The following GSE1 variants were observed in gnomAD, a reference collection of about 807,000 sequenced individuals.
GSE1 encodes the protein Gse1 coiled-coil protein.
In GSE1, 32 loss-of-function variants were observed where a neutral mutation model predicts 112.6. That is an observed-to-expected ratio of 0.28 (90% CI 0.21 to 0.38). The LOEUF (loss-of-function observed/expected upper bound fraction) is 0.38, where lower values mean the gene tolerates loss of function less well. GSE1 is among the 10% of genes least tolerant of loss of function. The probability of loss-of-function intolerance (pLI) is 1.00; values close to 1 mark genes in which losing one functional copy is unlikely to be tolerated. For synonymous variants in GSE1, 1,115 were observed against 735.6 expected (o/e 1.52, Z -8.35); for missense variants, 2,348 against 1,699.2 (o/e 1.38, Z -6.71).
intron 2 of GSE1, among the ~76,000 whole-genome samples, chr16:85,473,886 G>C (rs770443964): frequency 2.0e-5 from 3 of 151,660 alleles, no homozygotes; most frequent in Non-Finnish European, 4.4e-5. Flanking sequence ...CACTCTCCCA[G>C]GCACTAGCAT....
At chr16:85,331,840 G>A (rs1217205287) in intron 1 of GSE1, among the ~76,000 whole-genome samples, 6 of 151,242 alleles carry the variant, frequency 4.0e-5, no homozygotes, top group African/African-American at 9.7e-5. Flanking sequence ...GAGTCACCGC[G>A]CCCAGCTACT....
At position 85,189,164 on chromosome 16, in the gene GSE1, T is replaced by G. The variant is rs539443386; in HGVS notation, c.2283+17357T>G. ...GCCTATTTTCCTGCTCCGGGGAGCCTTCTTTGCTGGCTCCTGCCAGCTGAA... is the reference window on the plus strand; with the variant it reads ...GCCTATTTTCCTGCTCCGGGGAGCCGTCTTTGCTGGCTCCTGCCAGCTGAA... On this transcript the variant is annotated intron_variant, in intron 1 of 2. Coordinates refer to the GSE1 transcript ENST00000637419. Among the ~76,000 whole-genome samples the G allele has an allele frequency of 3.3e-5, 5 of 152,348 alleles. No homozygotes were observed. The East Asian group carries it at 7.7e-4, about 23-fold the overall frequency.
intron 1 of GSE1, among the ~76,000 whole-genome samples, chr16:85,174,008 G>C (rs1193138188): frequency 2.0e-5 from 3 of 152,174 alleles, no homozygotes; most frequent in African/African-American, 7.2e-5. Context: ...AAAGCCAGTG[G>C]GTATCTGAGG....
At chr16:85,560,130 T>TC (rs1336613935) in intron 1 of GSE1, among the ~76,000 whole-genome samples, 42 of 133,650 alleles carry the variant, frequency 3.1e-4, no homozygotes, top group South Asian at 7.3e-4. Flanking sequence ...TTCTTCTTCT[T>TC]TTTTTTTTTT....
At chr16:85,203,869 C>G in intron 1 of GSE1, among the ~76,000 whole-genome samples, 1 of 152,328 alleles carries the variant, frequency 6.6e-6, no homozygotes, top group Middle Eastern at 3.4e-3. Flanking sequence ...TCCTGAGTAG[C>G]TGGGACTACA....
intron 5 of GSE1, among the ~76,000 whole-genome samples, chr16:85,655,271 G>A (rs914444882): frequency 6.6e-6 from 1 of 152,208 alleles, no homozygotes; most frequent in Non-Finnish European, 1.5e-5. Flanking sequence ...ACTGTTAAGA[G>A]AGCAGGGCTT....
At chr16:85,180,086 C>T (rs1246678020) in intron 1 of GSE1, among the ~76,000 whole-genome samples, 1 of 152,244 alleles carries the variant, frequency 6.6e-6, no homozygotes, top group Non-Finnish European at 1.5e-5. Flanking sequence ...CCATGGCTCT[C>T]AGGTTCCCTG....
upstream of GSE1, among the ~76,000 whole-genome samples, chr16:85,553,248 A>C: frequency 7.0e-6 from 1 of 143,080 alleles, no homozygotes; most frequent in Non-Finnish European, 1.5e-5. Flanking sequence ...GGGTGGGGGC[A>C]GGGAGGGCAG....
intron 7 of GSE1, 99 bp from the exon 8 acceptor site, chr16:85,657,178 G>C (rs920035629): frequency 1.2e-6 from 1 of 815,874 alleles, no homozygotes; most frequent in Non-Finnish European, 1.9e-6. Context: ...CCCTTTGGAA[G>C]GGCTCTGGTT....
At chr16:85,365,206 C>T (rs2047161876) in intron 2 of GSE1, among the ~76,000 whole-genome samples, 1 of 152,226 alleles carries the variant, frequency 6.6e-6, no homozygotes, top group Admixed American at 6.5e-5. Context: ...TGCATCCTCA[C>T]ACCCGCCCCC....
At chr16:85,505,625 G>T (rs1199051340) in intron 2 of GSE1, among the ~76,000 whole-genome samples, 1 of 152,160 alleles carries the variant, frequency 6.6e-6, no homozygotes, top group Non-Finnish European at 1.5e-5. Flanking sequence ...AGTGCCGGCG[G>T]GGGGCACATG....
intron 1 of GSE1, among the ~76,000 whole-genome samples, chr16:85,326,243 A>G (rs2046226394): frequency 6.6e-6 from 1 of 151,746 alleles, no homozygotes; most frequent in African/African-American, 2.4e-5. Context: ...AATGAGGAGG[A>G]CTCTGAGCCA....
chr16:85,478,907 CTTTCTTTCTT>C (rs1567520678), intron 2 of GSE1, among the ~76,000 whole-genome samples: 3 of 51,042 alleles, frequency 5.9e-5, no homozygotes, highest in African/African-American at 2.7e-4. Context: ...TTCTTTCTTT[CTTTCTTTCTT>C]TCTTTCTTTC....
At position 85,243,865 on chromosome 16, in the gene GSE1, G is replaced by A. The variant is rs183093914; in HGVS notation, c.2283+72058G>A. ...GTGTTGGCCAGGCACGGTGGCTCAC[G>A]CCTGTAATCGCAGCACTTTGGGAGG... On this transcript the variant is annotated intron_variant, in intron 1 of 2. Coordinates refer to the GSE1 transcript ENST00000637419. 5.2e-3 allele frequency among the ~76,000 whole-genome samples: 799 copies of A among 152,268 alleles called. 11 individuals carry two copies. Among genetic ancestry groups the A allele is most frequent in the African/African-American group, 0.018 (763 of 41,536 alleles).
At chr16:85,479,312 G>A (rs930241716) in intron 2 of GSE1, among the ~76,000 whole-genome samples, 4 of 150,192 alleles carry the variant, frequency 2.7e-5, no homozygotes, top group African/African-American at 7.4e-5. Flanking sequence ...GATTACAGGC[G>A]TGAGCCACTG....
intron 1 of GSE1, among the ~76,000 whole-genome samples, chr16:85,250,502 A>C (rs1045904122): frequency 6.6e-6 from 1 of 152,220 alleles, no homozygotes; most frequent in African/African-American, 2.4e-5. Context: ...TCTGTCTGCA[A>C]GCCCCTTGCC....
chr16:85,498,462 T>C (rs2051254828), intron 2 of GSE1, among the ~76,000 whole-genome samples: 1 of 151,964 alleles, frequency 6.6e-6, no homozygotes, highest in African/African-American at 2.4e-5. Flanking sequence ...CGGATGTGCA[T>C]ATACATGCAT....
intron 1 of GSE1, among the ~76,000 whole-genome samples, chr16:85,300,705 G>A (rs2045498961): frequency 6.6e-6 from 1 of 152,218 alleles, no homozygotes; most frequent in Non-Finnish European, 1.5e-5. Context: ...TTCCACTTTG[G>A]AGCAGCCGCT....
In GSE1 at chr16:85,671,081, C is replaced by T; in HGVS notation, c.3502C>T (p.Leu1168Phe). Residue 1168 changes from leucine (L) to phenylalanine (F), a missense_variant, in exon 15 of 16, where the codon CTC (leucine) becomes TTC (phenylalanine). Coordinates refer to ENST00000253458, the MANE Select transcript of GSE1 (RefSeq NM_014615.5). ...CAGCCTCAGCCTGACGGCAGAGCAG[C>T]TCTCCCACAGCGTGGCGGTGAGTTG... is the stretch of plus-strand genomic sequence containing the variant. Reference protein sequence around the residue: ...HYSLSLTAEQLSHSVAELRSQ... With the variant: ...HYSLSLTAEQFSHSVAELRSQ... 1 of 1,603,910 alleles carries T rather than the reference C, an allele frequency of 6.2e-7. No individual in the cohort carries two copies. The highest frequency in any genetic ancestry group is 8.5e-7 in the Non-Finnish European group (1 of 1,170,772).
Sources: gnomAD v4.1 joint callset for allele counts (sites outside exome capture counted in the v4.1 genomes callset) on GRCh38, gnomAD v4.1.1 for gene constraint, MANE v1.5 for transcripts, NCBI Gene and HGNC (gene_info 2026-07-23, HGNC 2026-07-21) for gene names.